The following FRMD4B variants were observed in gnomAD, a reference collection of about 807,000 sequenced individuals.
The protein encoded by FRMD4B is FERM domain-containing protein 4B.
In FRMD4B, 74 loss-of-function variants were observed where a neutral mutation model predicts 141.5. The ratio of observed to expected loss-of-function variants is 0.52; its 90% confidence interval spans 0.43 to 0.63. The LOEUF is 0.63. Ranked by LOEUF, FRMD4B falls within the 30% of genes least tolerant of loss-of-function variation. FRMD4B has a pLI of 0.00. For synonymous variants in FRMD4B, 506 were observed against 467.9 expected (o/e 1.08, Z -1.05); for missense variants, 1,366 against 1,253.4 (o/e 1.09, Z -1.36).
chr3:69,338,087 G>A (rs1011656025), intron 1 of FRMD4B, among the ~76,000 whole-genome samples: 1 of 152,196 alleles, frequency 6.6e-6, no homozygotes, highest in African/African-American at 2.4e-5. Flanking sequence ...ACTGGATTAA[G>A]AAAATGTGGC....
At chr3:69,408,248 C>T (rs970388312) in intron 2 of FRMD4B, among the ~76,000 whole-genome samples, 3 of 152,138 alleles carry the variant, frequency 2.0e-5, no homozygotes, top group African/African-American at 4.8e-5. Context: ...CTGAAAACTC[C>T]CTTCTGAAGT....
chr3:69,525,032 G>C (rs1700911911), intron 1 of FRMD4B, among the ~76,000 whole-genome samples: 2 of 152,330 alleles, frequency 1.3e-5, no homozygotes, highest in South Asian at 2.1e-4. Context: ...GGGGAACTCT[G>C]CTAATGGAGA....
At chr3:69,460,910 C>T (rs1453898484) in intron 1 of FRMD4B, among the ~76,000 whole-genome samples, 6 of 152,196 alleles carry the variant, frequency 3.9e-5, no homozygotes, top group South Asian at 2.1e-4. Context: ...CTAATTGGAG[C>T]TGAGATTCTA....
intron 2 of FRMD4B, among the ~76,000 whole-genome samples, chr3:69,405,389 A>G (rs1213562095): frequency 6.6e-6 from 1 of 152,226 alleles, no homozygotes; most frequent in Non-Finnish European, 1.5e-5. Context: ...ATTGACTATC[A>G]TAACCACTGT....
intron 2 of FRMD4B, among the ~76,000 whole-genome samples, chr3:69,391,404 C>A: frequency 8.0e-6 from 1 of 124,608 alleles, no homozygotes. Flanking sequence ...TCCCCTCCCC[C>A]CACCCCACGA....
chr3:69,496,630 AGAGAGAAAGAGAGAG>A (rs1559545609), intron 1 of FRMD4B, among the ~76,000 whole-genome samples: 12 of 90,034 alleles, frequency 1.3e-4, no homozygotes, highest in Non-Finnish European at 2.4e-4. Context: ...AGAGAGAGAG[AGAGAGAAAGAGAGAG>A]AGAGAGAGAG....
intron 1 of FRMD4B, among the ~76,000 whole-genome samples, chr3:69,455,263 A>G (rs1486088363): frequency 2.0e-5 from 3 of 152,242 alleles, no homozygotes; most frequent in African/African-American, 4.8e-5. Context: ...GCCAGAGGCC[A>G]CAGCAGTGAT....
intron 14 of FRMD4B, among the ~76,000 whole-genome samples, chr3:69,195,693 C>G (rs577520909): frequency 1.5e-5 from 2 of 133,306 alleles, no homozygotes; most frequent in Admixed American, 8.4e-5. Flanking sequence ...AGAGTTGTTT[C>G]AAGTGTTCTT....
chr3:69,322,872 G>T, intron 1 of FRMD4B: 1 of 190,212 alleles, frequency 5.3e-6, no homozygotes, highest in Non-Finnish European at 9.7e-6. Context: ...AAGTGATGGG[G>T]TTATGGGCAT....
intron 1 of FRMD4B, among the ~76,000 whole-genome samples, chr3:69,372,209 G>A (rs756735808): frequency 5.9e-5 from 9 of 152,114 alleles, no homozygotes; most frequent in Admixed American, 1.3e-4. Flanking sequence ...ATAAAACCTC[G>A]GAAAGAAGCC....
intron 1 of FRMD4B, among the ~76,000 whole-genome samples, chr3:69,468,234 CT>C (rs1471435062): frequency 1.0e-5 from 1 of 98,062 alleles, no homozygotes; most frequent in Non-Finnish European, 2.0e-5. Flanking sequence ...TCCTCATGAA[CT>C]CCCAACAATC....
chr3:69,339,176 T>A (rs1031281650), intron 1 of FRMD4B, among the ~76,000 whole-genome samples: 4 of 152,176 alleles, frequency 2.6e-5, no homozygotes, highest in African/African-American at 9.7e-5. Context: ...CTTTATTTTT[T>A]TTTCCTATGA....
chr3:69,232,354 A>G lies in FRMD4B; in HGVS notation c.582-7664T>C, dbSNP rs576961825. Among the ~76,000 whole-genome samples the G allele has an allele frequency of 5.3e-5, 8 of 152,290 alleles. No individual in the cohort carries two copies. In the South Asian group the frequency reaches 1.7e-3, roughly 32 times the overall value. On this transcript the variant is annotated intron_variant, in intron 7 of 22. Coordinates refer to ENST00000398540, the MANE Select transcript of FRMD4B (RefSeq NM_015123.3). Reference sequence around the variant, plus strand: ...TTTCAGCAGGAATTCAGATGTCACAATGAAGAACATGCTTGCATTTTATCT... The same window carrying G: ...TTTCAGCAGGAATTCAGATGTCACAGTGAAGAACATGCTTGCATTTTATCT...
chr3:69,492,347 T>C (rs1026703874), intron 1 of FRMD4B, among the ~76,000 whole-genome samples: 1 of 152,178 alleles, frequency 6.6e-6, no homozygotes, highest in Non-Finnish European at 1.5e-5. Context: ...TGGCAGCCAG[T>C]AGCTTGCTCA....
chr3:69,402,654 C>A (rs1009533492), intron 2 of FRMD4B, among the ~76,000 whole-genome samples: 1 of 152,066 alleles, frequency 6.6e-6, no homozygotes, highest in Admixed American at 6.6e-5. Flanking sequence ...AAATATCAAA[C>A]ATAAGATGTA....
intron 1 of FRMD4B, among the ~76,000 whole-genome samples, chr3:69,459,456 T>C (rs11926614): frequency 2.0e-5 from 3 of 152,058 alleles, no homozygotes; most frequent in Admixed American, 1.3e-4. Flanking sequence ...ACCTTAATCC[T>C]CTCATACATT....
rs1221852084 is a variant in FRMD4B at position 69,453,935 on chromosome 3, C to A, written c.-128-21174G>T. Among the ~76,000 whole-genome samples the A allele has an allele frequency of 2.0e-5, 3 of 152,308 alleles. No individual in the cohort carries two copies. In the South Asian group the frequency reaches 6.2e-4, roughly 32 times the overall value. On this transcript the variant is annotated intron_variant, in intron 1 of 5. Coordinates refer to the FRMD4B transcript ENST00000459638. ...AAGAGTCCCCATAAGAACTTGGTATCTCCTCACTTAAGCAAGCATTGATGT... is the reference window on the plus strand; with the variant it reads ...AAGAGTCCCCATAAGAACTTGGTATATCCTCACTTAAGCAAGCATTGATGT...
chr3:69,485,369 G>C (rs539289426), intron 1 of FRMD4B, among the ~76,000 whole-genome samples: 1 of 152,324 alleles, frequency 6.6e-6, no homozygotes, highest in East Asian at 1.9e-4. Flanking sequence ...GCCCCAGCTT[G>C]CACAGCTGGA....
chr3:69,197,545 C>T (rs981626542), intron 12 of FRMD4B, among the ~76,000 whole-genome samples: 91 of 110,010 alleles, frequency 8.3e-4, no homozygotes, highest in African/African-American at 2.1e-3. Flanking sequence ...GCTGCTTGTA[C>T]ACCAGATGGA....
Sources: gnomAD v4.1 joint callset for allele counts (sites outside exome capture counted in the v4.1 genomes callset) on GRCh38, gnomAD v4.1.1 for gene constraint, MANE v1.5 for transcripts, NCBI Gene and HGNC (gene_info 2026-07-23, HGNC 2026-07-21) for gene names.